Variants in OTUD3 observed in about 807,000 individuals in gnomAD.
The protein encoded by OTUD3 is OTU deubiquitinase 3, also known as OTU domain-containing protein 3.
Under a neutral mutation model 46.2 loss-of-function variants are expected in OTUD3, and 24 were observed. The observed-to-expected ratio is 0.52, with a 90% CI of 0.38 to 0.73. The LOEUF is 0.73. Ranked by LOEUF, OTUD3 falls within the 30% of genes least tolerant of loss-of-function variation. OTUD3 has a pLI of 0.00. For synonymous variants in OTUD3, 189 were observed against 195.4 expected (o/e 0.97, Z 0.27); for missense variants, 455 against 523.3 (o/e 0.87, Z 1.27).
intron 1 of OTUD3, among the ~76,000 whole-genome samples, chr1:19,887,292 C>T (rs1421635898): frequency 6.6e-6 from 1 of 152,152 alleles, no homozygotes; most frequent in African/African-American, 2.4e-5. Flanking sequence ...CCGTGTTGGT[C>T]AGGCTGGTTT....
At chr1:19,900,554 T>G (rs1299243744) in intron 4 of OTUD3, among the ~76,000 whole-genome samples, 1 of 152,112 alleles carries the variant, frequency 6.6e-6, no homozygotes, top group African/African-American at 2.4e-5. Context: ...GAAATAAGGG[T>G]AGGAGGCTAT....
Position 19,882,415 on chromosome 1 carries a change from C to T in OTUD3, c.-99C>T, listed in dbSNP as rs2045277303. On this transcript the variant is annotated 5_prime_UTR_variant, in exon 1 of 8. Transcript: ENST00000375120. ...CGGTTGCTGCGTAGTCGTCGCCGGG[C>T]TCCGTTGCCCGCGCTGTTTTACCTT... 2 of 1,299,368 alleles carry T rather than the reference C, an allele frequency of 1.5e-6. No homozygotes were observed. Among genetic ancestry groups the T allele is most frequent in the East Asian group, 3.2e-5 (1 of 31,724 alleles). 80.5% of individuals were successfully genotyped at this position (1,299,368 alleles called of 1,614,324 possible).
rs1008984462 is a variant in OTUD3 at position 19,912,093 on chromosome 1, A to G, written c.*4347A>G. 2.0e-5 allele frequency: 3 copies of G among 152,358 alleles called. No homozygotes were observed. The highest frequency in any genetic ancestry group is 7.2e-5 in the African/African-American group (3 of 41,444). 9.4% of individuals were successfully genotyped at this position (152,358 alleles called of 1,614,324 possible). A position where few individuals can be genotyped will look rare whatever the true frequency, so the allele number is the denominator to read the frequency against. On this transcript the variant is annotated 3_prime_UTR_variant, in exon 8 of 8. Transcript: ENST00000375120. ...CAGTGTAAAGAATCTATTTCTGTAA[A>G]ACTACGAACTTTTGCATAGGGAATT...
At chr1:19,899,557 T>C (rs926462277) in intron 4 of OTUD3, among the ~76,000 whole-genome samples, 4 of 152,264 alleles carry the variant, frequency 2.6e-5, no homozygotes, top group African/African-American at 9.6e-5. Context: ...AACCCTTTGC[T>C]ATTATAAGCA....
chr1:19,895,996 A>G (rs575194897), intron 3 of OTUD3, among the ~76,000 whole-genome samples: 1 of 151,958 alleles, frequency 6.6e-6, no homozygotes, highest in South Asian at 2.1e-4. Flanking sequence ...TTTTGAATTT[A>G]TTTCTGTAGT....
chr1:19,899,980 GAT>G (rs2045563900), intron 4 of OTUD3, among the ~76,000 whole-genome samples: 1 of 152,062 alleles, frequency 6.6e-6, no homozygotes, highest in African/African-American at 2.4e-5. Context: ...CTCTGTCTGT[GAT>G]ATGAGTTGCA....
In OTUD3 at chr1:19,907,730, C is replaced by T. The variant is rs755482174; in HGVS notation, c.1181C>T (p.Ala394Val). Reference sequence around the variant, plus strand: ...CAGGTCACCTTGGTGAAGACCTTCGCCGCTCTCAACATCTGACTCTTTGGC... The same window carrying T: ...CAGGTCACCTTGGTGAAGACCTTCGTCGCTCTCAACATCTGACTCTTTGGC... ...NTQVTLVKTF[A>V]ALNI The change falls in exon 8 of 8, where the codon GCC becomes GTC. Residue 394 changes from alanine to valine, a missense_variant. By Grantham distance (64) the Ala-to-Val change is moderately conservative. Coordinates refer to ENST00000375120, the MANE Select transcript of OTUD3 (RefSeq NM_015207.2). 1.2e-6 allele frequency: 2 copies of T among 1,614,060 alleles called. No homozygotes were observed. The highest frequency in any genetic ancestry group is 2.2e-5 in the East Asian group (1 of 44,902).
intron 1 of OTUD3, among the ~76,000 whole-genome samples, chr1:19,887,349 G>C (rs2045379060): frequency 6.6e-6 from 1 of 152,156 alleles, no homozygotes; most frequent in African/African-American, 2.4e-5. Flanking sequence ...TTCCCAAAGT[G>C]CTGGGATTAC....
rs755890101 is a variant in OTUD3 at position 19,904,849 on chromosome 1, G to T, written c.739-42G>T. 4.2e-6 allele frequency: 4 copies of T among 943,016 alleles called. No homozygotes were observed. The African/African-American group carries it at 6.6e-5, about 16-fold the overall frequency. The allele number at this position is 943,016 out of a possible 1,614,324, so 58.4% of individuals were successfully genotyped here. A position where few individuals can be genotyped will look rare whatever the true frequency, so the allele number is the denominator to read the frequency against. On this transcript the variant is annotated intron_variant, in intron 5 of 7. Coordinates refer to ENST00000375120, the MANE Select transcript of OTUD3 (RefSeq NM_015207.2). Reference sequence around the variant, plus strand: ...AGAGCTAGGCAGAAAAATATACCCAGAGTTTTGAAGTGGTTTTTTTGTTTG... The same window carrying T: ...AGAGCTAGGCAGAAAAATATACCCATAGTTTTGAAGTGGTTTTTTTGTTTG...
chr1:19,895,884 C>T (rs2045511223), intron 3 of OTUD3, among the ~76,000 whole-genome samples: 1 of 152,202 alleles, frequency 6.6e-6, no homozygotes, highest in Non-Finnish European at 1.5e-5. Context: ...TCACTACCAA[C>T]TCAGTAATCA....
In OTUD3 at chr1:19,911,097, T is replaced by C. The variant is rs1284045137; in HGVS notation, c.*3351T>C. The stretch of plus-strand genomic sequence containing the variant: ...CTAAAAGTTACCCTGACCAAAAGGA[T>C]CTCTGCGGGGGGAAGAGAATGGAGC... On this transcript the variant is annotated 3_prime_UTR_variant, in exon 8 of 8. Coordinates refer to ENST00000375120, the MANE Select transcript of OTUD3 (RefSeq NM_015207.2). 6.6e-6 allele frequency: 1 copy of C among 152,282 alleles called. No individual in the cohort carries two copies. Among genetic ancestry groups the C allele is most frequent in the Non-Finnish European group, 1.5e-5 (1 of 68,036 alleles). The allele number at this position is 152,282 out of a possible 1,614,324, so 9.4% of individuals were successfully genotyped here. A position where few individuals can be genotyped will look rare whatever the true frequency, so the allele number is the denominator to read the frequency against.
chr1:19,886,861 G>A (rs551826207), intron 1 of OTUD3, among the ~76,000 whole-genome samples: 51 of 152,244 alleles, frequency 3.3e-4, no homozygotes, highest in Middle Eastern at 3.4e-3. Context: ...CTCCTAGTCC[G>A]GGAACACACT....
At chr1:19,895,376 C>G (rs1011313590) in intron 3 of OTUD3, among the ~76,000 whole-genome samples, 9 of 152,224 alleles carry the variant, frequency 5.9e-5, no homozygotes, top group Admixed American at 4.6e-4. Context: ...CCACTACTAT[C>G]AACACAGACT....
At chr1:19,883,947 G>A (rs1471663329) in intron 1 of OTUD3, among the ~76,000 whole-genome samples, 3 of 152,192 alleles carry the variant, frequency 2.0e-5, no homozygotes, top group African/African-American at 7.2e-5. Context: ...CTCACAAAGA[G>A]TTCACCACAC....
chr1:19,884,050 A>G (rs1275726105), intron 1 of OTUD3, among the ~76,000 whole-genome samples: 9 of 152,262 alleles, frequency 5.9e-5, no homozygotes, highest in African/African-American at 2.2e-4. Flanking sequence ...CATGGAAGGC[A>G]GTCAGTACGT....
At chr1:19,884,438 A>G (rs2100229285) in intron 1 of OTUD3, among the ~76,000 whole-genome samples, 1 of 152,348 alleles carries the variant, frequency 6.6e-6, no homozygotes, top group Admixed American at 6.5e-5. Context: ...CACCTTAAGT[A>G]GGGTGCTGGG....
intron 3 of OTUD3, among the ~76,000 whole-genome samples, chr1:19,896,704 AG>A (rs2045522628): frequency 6.6e-6 from 1 of 152,240 alleles, no homozygotes; most frequent in African/African-American, 2.4e-5. Flanking sequence ...GTTTAAACAA[AG>A]GAACCATTAC....
At chr1:19,900,710 T>C (rs1055266667) in intron 4 of OTUD3, among the ~76,000 whole-genome samples, 2 of 152,188 alleles carry the variant, frequency 1.3e-5, no homozygotes, top group African/African-American at 4.8e-5. Context: ...CCTAGACATT[T>C]GGTTCTGGTC....
chr1:19,900,565 GGATC>G (rs1232489458), intron 4 of OTUD3, among the ~76,000 whole-genome samples: 1 of 152,136 alleles, frequency 6.6e-6, no homozygotes, highest in Non-Finnish European at 1.5e-5. Context: ...AGGAGGCTAT[GGATC>G]CAACTTTATA....
Sources: gnomAD v4.1 joint callset for allele counts (sites outside exome capture counted in the v4.1 genomes callset) on GRCh38, gnomAD v4.1.1 for gene constraint, MANE v1.5 for transcripts, NCBI Gene and HGNC (gene_info 2026-07-23, HGNC 2026-07-21) for gene names.